TSC22D1: variants seen among roughly 807,000 people sequenced by gnomAD.
The protein encoded by TSC22D1 is TSC22 domain family protein 1.
In TSC22D1, 9 loss-of-function variants were observed where a neutral mutation model predicts 74.2. That is an observed-to-expected ratio of 0.12 (90% CI 0.07 to 0.21). TSC22D1 has a LOEUF of 0.21. Among genes scored for constraint, TSC22D1 ranks in the 10% least tolerant of loss-of-function variants. The pLI is 1.00. For missense variants in TSC22D1, 1,427 were observed against 1,304.7 expected, an observed-to-expected ratio of 1.09 and a Z score of -1.44; for synonymous variants, 586 against 492.5, an observed-to-expected ratio of 1.19 and a Z score of -2.51.
chr13:44,486,009 A>G (rs1878413830), intron 1 of TSC22D1, among the ~76,000 whole-genome samples: 1 of 152,056 alleles, frequency 6.6e-6, no homozygotes, highest in South Asian at 2.1e-4. Context: ...ATTAATACAT[A>G]GCTCCCCAAC....
At chr13:44,509,950 C>CAAAAAAAAAAAAAAAAAA in intron 1 of TSC22D1, among the ~76,000 whole-genome samples, 14 of 51,430 alleles carry the variant, frequency 2.7e-4, no homozygotes, top group African/African-American at 6.8e-4. Context: ...AGAAAATAAG[C>CAAAAAAAAAAAAAAAAAA]AAAAAAAAAA....
At chr13:44,506,780 G>C (rs1394936751) in intron 1 of TSC22D1, among the ~76,000 whole-genome samples, 1 of 152,188 alleles carries the variant, frequency 6.6e-6, no homozygotes, top group Non-Finnish European at 1.5e-5. Context: ...TGACCAGTAA[G>C]GTGTCTCCAC....
chr13:44,525,302 C>G (rs554336620), intron 1 of TSC22D1, among the ~76,000 whole-genome samples: 2 of 152,268 alleles, frequency 1.3e-5, no homozygotes, highest in South Asian at 4.1e-4. Flanking sequence ...AAGGCTCAGG[C>G]TCTATTTAAA....
At chr13:44,566,174 C>T (rs887096669) in intron 1 of TSC22D1, among the ~76,000 whole-genome samples, 14 of 151,914 alleles carry the variant, frequency 9.2e-5, no homozygotes, top group Non-Finnish European at 1.5e-4. Context: ...TTCAGACACT[C>T]TTAAAAATTC....
chr13:44,537,218 T>C (rs1209379800), intron 1 of TSC22D1: 50 of 895,128 alleles, frequency 5.6e-5, no homozygotes, highest in Non-Finnish European at 6.1e-5. Flanking sequence ...CACTGAAAAA[T>C]ATAGGACTTC....
chr13:44,540,952 G>A (rs1376313125), intron 1 of TSC22D1, among the ~76,000 whole-genome samples: 2 of 152,150 alleles, frequency 1.3e-5, no homozygotes, highest in African/African-American at 2.4e-5. Context: ...ATATAAAGGT[G>A]CTGCGTATCC....
intron 1 of TSC22D1, among the ~76,000 whole-genome samples, chr13:44,506,695 T>C (rs1384500962): frequency 6.6e-6 from 1 of 152,152 alleles, no homozygotes; most frequent in African/African-American, 2.4e-5. Flanking sequence ...CAGGGAAAAG[T>C]GTTCTACCAC....
chr13:44,573,625 T>A lies in TSC22D1; in HGVS notation c.2450A>T (p.Gln817Leu), dbSNP rs750886744. ...GGGCAAAGAACTAACTGCAGGCAACTGCTGTGAAACAATTCCTTGAGCTAC... is the reference window on the plus strand; with the variant it reads ...GGGCAAAGAACTAACTGCAGGCAACAGCTGTGAAACAATTCCTTGAGCTAC... ...EPVAQGIVSQQLPAVSSLPSA... is the reference protein window; with the variant it reads ...EPVAQGIVSQLLPAVSSLPSA... Residue 817 changes from glutamine to leucine, a missense_variant, in exon 1 of 3, where the codon CAG (glutamine) becomes CTG (leucine). Around this residue, in one of 3 missense-constraint regions of TSC22D1, gnomAD observed 1,343 missense variants for 1,191.5 expected, o/e 1.13. Transcript: ENST00000458659. 8 of 1,614,268 alleles carry A rather than the reference T, an allele frequency of 5.0e-6. No individual in the cohort carries two copies. Among genetic ancestry groups the A allele is most frequent in the Non-Finnish European group, 5.9e-6 (7 of 1,180,056 alleles).
At chr13:44,488,539 T>G (rs1035098413) in intron 1 of TSC22D1, among the ~76,000 whole-genome samples, 15 of 151,700 alleles carry the variant, frequency 9.9e-5, no homozygotes, top group Non-Finnish European at 2.2e-4. Context: ...AATCAGTTAG[T>G]AAAACAAGAA....
intron 1 of TSC22D1, among the ~76,000 whole-genome samples, chr13:44,549,201 C>T (rs188071586): frequency 2.6e-5 from 4 of 152,230 alleles, no homozygotes; most frequent in South Asian, 2.1e-4. Flanking sequence ...CTTATCTCAA[C>T]TTGAATTTAA....
At chr13:44,499,619 A>G (rs553637062) in intron 1 of TSC22D1, among the ~76,000 whole-genome samples, 1 of 152,268 alleles carries the variant, frequency 6.6e-6, no homozygotes, top group South Asian at 2.1e-4. Context: ...TTTCTGCTGG[A>G]CCCAAAGCAT....
chr13:44,461,486 A>G (rs1876994476), intron 1 of TSC22D1, among the ~76,000 whole-genome samples: 1 of 152,228 alleles, frequency 6.6e-6, no homozygotes, highest in South Asian at 2.1e-4. Context: ...AAAGTACTAG[A>G]TGGTGAGTAG....
At chr13:44,556,047 CAAGT>C (rs1882614331) in intron 1 of TSC22D1, among the ~76,000 whole-genome samples, 1 of 151,938 alleles carries the variant, frequency 6.6e-6, no homozygotes, top group Non-Finnish European at 1.5e-5. Context: ...ATGGAACACA[CAAGT>C]AAGGCTTATA....
chr13:44,471,742 C>G (rs767613629), intron 1 of TSC22D1, among the ~76,000 whole-genome samples: 1 of 152,176 alleles, frequency 6.6e-6, no homozygotes, highest in East Asian at 1.9e-4. Context: ...TCTCCTTTGA[C>G]AAATAAAATA....
rs1469939051 is a variant in TSC22D1, at chr13:44,433,572, A to G, written c.*1054T>C. ...GAAAGTTGACAAGTGCAACAGTTAA[A>G]TACAGTGACACCTTACAATTGTGTA... On this transcript the variant is annotated 3_prime_UTR_variant, in exon 3 of 3. Coordinates refer to ENST00000458659, the MANE Select transcript of TSC22D1 (RefSeq NM_183422.4). The G allele has an allele frequency of 6.2e-6, 1 of 160,626 alleles. No individual in the cohort carries two copies. Among genetic ancestry groups the G allele is most frequent in the Non-Finnish European group, 1.4e-5 (1 of 74,052 alleles). The allele number at this position is 160,626 out of a possible 1,614,324, so 10.0% of individuals were successfully genotyped here. A position where few individuals can be genotyped will look rare whatever the true frequency, so the allele number is the denominator to read the frequency against.
chr13:44,458,303 G>T (rs1310240728), intron 1 of TSC22D1, among the ~76,000 whole-genome samples: 3 of 152,208 alleles, frequency 2.0e-5, no homozygotes, highest in Non-Finnish European at 4.4e-5. Context: ...CATCAGTACT[G>T]ACTTTAGTGC....
At position 44,575,570 on chromosome 13, in the gene TSC22D1, C is replaced by T. The variant is rs769889006; in HGVS notation, c.505G>A (p.Glu169Lys). ...AGGGTCTCTTCTGAGGAGCTGCGTT[C>T]GGGCTCCCCTAAGTCAGTAGCCCTG... ...LSRATDLGEP[E>K]RSSSEETLNN... The change falls in exon 1 of 3, where the codon GAA (glutamate) becomes AAA (lysine). Residue 169 changes from glutamate to lysine, a missense_variant. Coordinates refer to ENST00000458659, the MANE Select transcript of TSC22D1 (RefSeq NM_183422.4). The T allele has an allele frequency of 1.2e-6, 2 of 1,614,040 alleles. No homozygotes were observed. The highest frequency in any genetic ancestry group is 1.1e-5 in the South Asian group (1 of 91,058).
chr13:44,456,668 G>C (rs184707665), intron 1 of TSC22D1, among the ~76,000 whole-genome samples: 3 of 152,302 alleles, frequency 2.0e-5, no homozygotes, highest in African/African-American at 7.2e-5. Flanking sequence ...GGGAACTGAA[G>C]AAACTTGTAA....
chr13:44,554,417 T>G (rs1882486584), intron 1 of TSC22D1, among the ~76,000 whole-genome samples: 1 of 152,122 alleles, frequency 6.6e-6, no homozygotes, highest in African/African-American at 2.4e-5. Context: ...GAATAACAAT[T>G]GAGCACAATA....
Sources: gnomAD v4.1 joint callset for allele counts (sites outside exome capture counted in the v4.1 genomes callset) on GRCh38, gnomAD v4.1.1 for gene constraint, gnomAD v4.1.1 regional missense constraint, MANE v1.5 for transcripts, NCBI Gene and HGNC (gene_info 2026-07-23, HGNC 2026-07-21) for gene names.